DOCK4: variants seen among roughly 807,000 people sequenced by gnomAD.
DOCK4 encodes dedicator of cytokinesis protein 4.
Under a neutral mutation model 268.1 loss-of-function variants are expected in DOCK4, and 97 were observed. The observed-to-expected ratio is 0.36, with a 90% CI of 0.31 to 0.43. The LOEUF is 0.43. Among genes scored for constraint, DOCK4 ranks in the 20% least tolerant of loss-of-function variants. DOCK4 has a pLI of 1.00. For synonymous variants in DOCK4, 954 were observed against 887.2 expected, an observed-to-expected ratio of 1.08 and a Z score of -1.34; for missense variants, 2,145 against 2,455.7, an observed-to-expected ratio of 0.87 and a Z score of 2.67.
At chr7:111,815,632 C>CCCCCTCCCCT in intron 27 of DOCK4, among the ~76,000 whole-genome samples, 1 of 145,120 alleles carries the variant, frequency 6.9e-6, no homozygotes, top group South Asian at 2.3e-4. Context: ...CCTTCCCCTC[C>CCCCCTCCCCT]CCCATCCCCT....
Position 111,742,106 on chromosome 7 carries a change from G to T in DOCK4, c.4704C>A (p.Ala1568=). The T allele has an allele frequency of 6.3e-7, 1 of 1,596,362 alleles. No homozygotes were observed. Among genetic ancestry groups the T allele is most frequent in the South Asian group, 1.1e-5 (1 of 87,656 alleles). The change falls in exon 45 of 53, where the codon GCC becomes GCA. Residue 1568 remains alanine (A), a synonymous_variant. Coordinates refer to ENST00000428084, the MANE Select transcript of DOCK4 (RefSeq NM_001363540.2). The stretch of plus-strand genomic sequence containing the variant: ...CTTGAGGTACAAACTTCTCATGCAC[G>T]GCCAAACCAAATTCCAGAATCTGTG... ...EQAQILEFGL[A]VHEKFVPQDM...
chr7:112,056,612 ACCTGGG>A (rs1160720464), intron 1 of DOCK4, among the ~76,000 whole-genome samples: 10 of 152,162 alleles, frequency 6.6e-5, no homozygotes, highest in Non-Finnish European at 4.4e-5. Context: ...ACTGGAGTGC[ACCTGGG>A]CCCAGCTAAG....
At chr7:111,856,246 CAT>C (rs1250025175) in intron 23 of DOCK4, among the ~76,000 whole-genome samples, 1 of 152,148 alleles carries the variant, frequency 6.6e-6, no homozygotes, top group African/African-American at 2.4e-5. Flanking sequence ...AGTTCAGAAA[CAT>C]AGTAAGAGAA....
At chr7:111,777,735 C>CACTA (rs1390575724) in intron 36 of DOCK4, among the ~76,000 whole-genome samples, 3 of 152,122 alleles carry the variant, frequency 2.0e-5, no homozygotes, top group Non-Finnish European at 4.4e-5. Context: ...GGGGGAGGGT[C>CACTA]TTTCCCATGC....
At chr7:111,780,796 T>C (rs1798742811) in intron 35 of DOCK4, among the ~76,000 whole-genome samples, 1 of 152,144 alleles carries the variant, frequency 6.6e-6, no homozygotes, top group Non-Finnish European at 1.5e-5. Context: ...CTAGAAAAAA[T>C]CAAGAACCTT....
intron 42 of DOCK4, among the ~76,000 whole-genome samples, chr7:111,754,152 T>C (rs889712365): frequency 6.9e-6 from 1 of 145,116 alleles, no homozygotes; most frequent in Admixed American, 7.2e-5. Flanking sequence ...AATAAGACTT[T>C]TTGAGCACTG....
Position 111,739,483 on chromosome 7 carries a change from AAC to A in DOCK4, c.5041-8_5041-7del, listed in dbSNP as rs746906864. 2.6e-6 allele frequency: 4 copies of A among 1,561,390 alleles called. No homozygotes were observed. Among genetic ancestry groups the A allele is most frequent in the East Asian group, 2.4e-5 (1 of 41,788 alleles). Reference sequence around the variant, plus strand: ...CTTGAGGTAGATGGACTTGGCTGGAAACACACAGGGAGCTATTATCATACCCT... The same window carrying A: ...CTTGAGGTAGATGGACTTGGCTGGAAACACAGGGAGCTATTATCATACCCT... On this transcript the variant is annotated splice_region_variant and splice_polypyrimidine_tract_variant and intron_variant, in intron 47 of 52. Coordinates refer to ENST00000428084, the MANE Select transcript of DOCK4 (RefSeq NM_001363540.2).
At chr7:112,058,939 C>T (rs1473153991) in intron 1 of DOCK4, among the ~76,000 whole-genome samples, 1 of 152,072 alleles carries the variant, frequency 6.6e-6, no homozygotes, top group Admixed American at 6.6e-5. Flanking sequence ...GGAGGAGAAG[C>T]TGATTTGAGT....
intron 1 of DOCK4, among the ~76,000 whole-genome samples, chr7:112,029,982 CT>C (rs1803135016): frequency 6.6e-6 from 1 of 152,144 alleles, no homozygotes; most frequent in African/African-American, 2.4e-5. Flanking sequence ...CTTGAATTTG[CT>C]TTCTTAATAG....
intron 25 of DOCK4, among the ~76,000 whole-genome samples, chr7:111,839,626 A>G (rs1432961314): frequency 2.6e-5 from 4 of 152,214 alleles, no homozygotes; most frequent in African/African-American, 9.6e-5. Flanking sequence ...TAATCATGAC[A>G]TATAATCCCT....
intron 1 of DOCK4, among the ~76,000 whole-genome samples, chr7:112,203,133 A>G (rs1430816216): frequency 2.0e-5 from 3 of 152,180 alleles, no homozygotes; most frequent in African/African-American, 7.2e-5. Context: ...GGGACCCAGA[A>G]AGGCTAAGTG....
At chr7:111,987,263 A>G (rs1410737607) in intron 6 of DOCK4, among the ~76,000 whole-genome samples, 1 of 152,202 alleles carries the variant, frequency 6.6e-6, no homozygotes, top group Non-Finnish European at 1.5e-5. Context: ...GTCATGATTC[A>G]GTCATAATTA....
intron 1 of DOCK4, among the ~76,000 whole-genome samples, chr7:112,162,954 T>C (rs1314338613): frequency 6.6e-6 from 1 of 152,218 alleles, no homozygotes; most frequent in Non-Finnish European, 1.5e-5. Context: ...CTTTGTTCAT[T>C]ATACTGTATG....
At chr7:112,155,813 GT>G (rs1399246163) in intron 1 of DOCK4, among the ~76,000 whole-genome samples, 1 of 152,168 alleles carries the variant, frequency 6.6e-6, no homozygotes, top group African/African-American at 2.4e-5. Context: ...AGAACTTTCT[GT>G]GATAATGGAG....
intron 1 of DOCK4, among the ~76,000 whole-genome samples, chr7:112,046,433 A>G (rs1371475101): frequency 6.6e-6 from 1 of 152,228 alleles, no homozygotes; most frequent in Non-Finnish European, 1.5e-5. Context: ...ATAAAAAGAA[A>G]TACTTTCCTA....
chr7:112,021,237 C>T (rs187532591), intron 1 of DOCK4, among the ~76,000 whole-genome samples: 44 of 152,326 alleles, frequency 2.9e-4, no homozygotes, highest in East Asian at 1.9e-4. Context: ...TTCGGCAAAT[C>T]TGTTTTGGTA....
At chr7:111,847,720 C>G (rs1180093086) in intron 23 of DOCK4, among the ~76,000 whole-genome samples, 6 of 152,156 alleles carry the variant, frequency 3.9e-5, no homozygotes, top group Non-Finnish European at 8.8e-5. Context: ...GTAAGATGTG[C>G]CTTTCACCTT....
intron 45 of DOCK4, 109 bp downstream of exon 45, chr7:111,741,904 A>C (rs1795942071): frequency 1.4e-6 from 2 of 1,405,676 alleles, no homozygotes; most frequent in African/African-American, 2.9e-5. Flanking sequence ...AAAACAGTGC[A>C]GTTTGGTAGA....
intron 1 of DOCK4, among the ~76,000 whole-genome samples, chr7:112,149,090 A>C (rs1815794051): frequency 1.3e-5 from 2 of 152,150 alleles, no homozygotes; most frequent in African/African-American, 4.8e-5. Flanking sequence ...TTGTTAACAC[A>C]TCTCTTTTTG....
Sources: allele counts gnomAD v4.1 joint callset (sites outside exome capture counted in the v4.1 genomes callset), GRCh38; gene constraint gnomAD v4.1.1; transcripts MANE v1.5; gene names NCBI Gene and HGNC (gene_info 2026-07-23, HGNC 2026-07-21).